Variants in SLC2A13 observed in about 807,000 individuals in gnomAD.
SLC2A13 encodes proton myo-inositol cotransporter.
SLC2A13 carries 32 observed loss-of-function variants against 64.4 expected under a neutral mutation model. The ratio of observed to expected loss-of-function variants is 0.50; its 90% CI spans 0.37 to 0.67. The LOEUF is 0.67. Among genes scored for constraint, SLC2A13 ranks in the 30% least tolerant of loss-of-function variants. SLC2A13 has a pLI of 0.00. For synonymous variants in SLC2A13, 338 were observed against 327.1 expected (o/e 1.03, Z -0.36); for missense variants, 743 against 829.2 (o/e 0.90, Z 1.28).
At chr12:39,884,376 A>G (rs985988711) in intron 4 of SLC2A13, among the ~76,000 whole-genome samples, 1 of 152,210 alleles carries the variant, frequency 6.6e-6, no homozygotes, top group African/African-American at 2.4e-5. Context: ...TTCCTTCGCC[A>G]AACTTCGTAT....
At chr12:39,820,717 T>TTATATATA (rs11272834) in intron 7 of SLC2A13, among the ~76,000 whole-genome samples, 19 of 132,708 alleles carry the variant, frequency 1.4e-4, no homozygotes, top group South Asian at 2.7e-4. Context: ...ATTTTTAAAT[T>TTATATATA]TATATATATA....
chr12:40,041,143 G>A lies in SLC2A13; in HGVS notation c.716+6908C>T, dbSNP rs551747945. Among the ~76,000 whole-genome samples, 9 of 152,176 alleles carry A rather than the reference G, an allele frequency of 5.9e-5. No individual in the cohort carries two copies. In the South Asian group the frequency reaches 1.7e-3, roughly 28 times the overall value. On this transcript the variant is annotated intron_variant, in intron 2 of 9. Coordinates refer to ENST00000280871, the MANE Select transcript of SLC2A13 (RefSeq NM_052885.4). ...AATTTTATTTTTTTAGTAGAGACGG[G>A]GTTTCGCCATCTTGGCCAGGCTGGT...
intron 6 of SLC2A13, among the ~76,000 whole-genome samples, chr12:39,830,675 T>C (rs1460573737): frequency 2.0e-5 from 3 of 152,178 alleles, no homozygotes; most frequent in Non-Finnish European, 4.4e-5. Context: ...AATAGTTTTT[T>C]TTTCTAATAC....
At chr12:40,039,959 T>C (rs1292296441) in intron 2 of SLC2A13, among the ~76,000 whole-genome samples, 3 of 152,220 alleles carry the variant, frequency 2.0e-5, no homozygotes, top group Admixed American at 2.0e-4. Context: ...TCTTCCATGC[T>C]CCATACATTC....
At chr12:40,099,010 G>C (rs1216431321) in intron 1 of SLC2A13, among the ~76,000 whole-genome samples, 1 of 152,196 alleles carries the variant, frequency 6.6e-6, no homozygotes, top group Non-Finnish European at 1.5e-5. Context: ...GCTGTGAAAC[G>C]ATGCTCCTGC....
chr12:39,768,390 C>G (rs1454466770), intron 7 of SLC2A13, among the ~76,000 whole-genome samples: 1 of 152,032 alleles, frequency 6.6e-6, no homozygotes, highest in Non-Finnish European at 1.5e-5. Flanking sequence ...TAAGAATTTT[C>G]TTTTGTAGTC....
rs142326818 is a variant in SLC2A13, at chr12:39,814,744, T to G, written c.1445+15359A>C. Among the ~76,000 whole-genome samples, 69 of 152,220 alleles carry G rather than the reference T, an allele frequency of 4.5e-4. No homozygotes were observed. The East Asian group carries it at 0.012, about 26-fold the overall frequency. ...CCTTCAAGGCCTAGCTCAACACTAG[T>G]AAGAAAGAAATTTTAAATTTCACAT... On this transcript the variant is annotated intron_variant, in intron 7 of 9. Transcript: ENST00000280871.
chr12:39,972,017 T>TA (rs1946662421), intron 3 of SLC2A13, among the ~76,000 whole-genome samples: 1 of 11,618 alleles, frequency 8.6e-5, no homozygotes, highest in African/African-American at 1.9e-4. Flanking sequence ...TATATATATT[T>TA]TTTTTTATAT....
At chr12:39,900,290 A>G (rs1339888611) in intron 4 of SLC2A13, among the ~76,000 whole-genome samples, 1 of 152,172 alleles carries the variant, frequency 6.6e-6, no homozygotes, top group Admixed American at 6.6e-5. Context: ...CAAGACAGGG[A>G]TGCCCTCTCT....
At chr12:39,807,233 C>T (rs1942008060) in intron 7 of SLC2A13, among the ~76,000 whole-genome samples, 1 of 152,106 alleles carries the variant, frequency 6.6e-6, no homozygotes, top group South Asian at 2.1e-4. Context: ...AGTGTGCTTA[C>T]AGAAGACCAC....
chr12:39,862,412 G>A (rs1413256302), intron 6 of SLC2A13, among the ~76,000 whole-genome samples: 1 of 152,214 alleles, frequency 6.6e-6, no homozygotes, highest in African/African-American at 2.4e-5. Context: ...ATTTCTACAA[G>A]TGGACGTGCT....
chr12:39,799,546 ATAAAG>A (rs1374503319), intron 7 of SLC2A13, among the ~76,000 whole-genome samples: 4 of 152,180 alleles, frequency 2.6e-5, no homozygotes, highest in South Asian at 2.1e-4. Flanking sequence ...AGTAAATCAA[ATAAAG>A]TAAACAAGAA....
At chr12:39,892,044 G>A (rs1944624144) in intron 4 of SLC2A13, among the ~76,000 whole-genome samples, 1 of 152,148 alleles carries the variant, frequency 6.6e-6, no homozygotes, top group African/African-American at 2.4e-5. Flanking sequence ...AAGAAGAGAA[G>A]ATCTATTAGG....
At position 40,003,388 on chromosome 12, in the gene SLC2A13, GGA is replaced by G. The variant is rs71894098; in HGVS notation, c.925+24911_925+24912del. Among the ~76,000 whole-genome samples, 133 of 152,262 alleles carry G rather than the reference GGA, an allele frequency of 8.7e-4. 3 individuals carry two copies. The East Asian group carries it at 0.025, about 28-fold the overall frequency. On this transcript the variant is annotated intron_variant, in intron 3 of 9. Coordinates refer to ENST00000280871, the MANE Select transcript of SLC2A13 (RefSeq NM_052885.4). ...GATTATCTCCAAGGACCAAGGAAGA[GGA>G]GAGACAAAAACAACACTTAACCAAA...
chr12:39,989,659 G>T (rs1947097961), intron 3 of SLC2A13, among the ~76,000 whole-genome samples: 1 of 152,204 alleles, frequency 6.6e-6, no homozygotes, highest in South Asian at 2.1e-4. Flanking sequence ...ATTCAGGCTT[G>T]ACTGACATGG....
intron 3 of SLC2A13, among the ~76,000 whole-genome samples, chr12:39,959,621 A>C (rs983914503): frequency 5.9e-5 from 9 of 152,210 alleles, no homozygotes; most frequent in African/African-American, 2.2e-4. Flanking sequence ...TCTTTGTCAA[A>C]AGTATCTACA....
At chr12:39,826,446 T>C (rs1033513761) in intron 7 of SLC2A13, among the ~76,000 whole-genome samples, 1 of 150,432 alleles carries the variant, frequency 6.6e-6, no homozygotes, top group Non-Finnish European at 1.5e-5. Flanking sequence ...TTAGATGTAA[T>C]TTTTCTGGGT....
intron 4 of SLC2A13, among the ~76,000 whole-genome samples, chr12:39,919,689 C>G (rs1282857576): frequency 6.6e-6 from 1 of 152,002 alleles, no homozygotes; most frequent in East Asian, 1.9e-4. Flanking sequence ...AAACCCACCC[C>G]AAGGGGTACT....
chr12:39,784,010 G>A (rs1252757273), intron 7 of SLC2A13, among the ~76,000 whole-genome samples: 3 of 152,072 alleles, frequency 2.0e-5, no homozygotes, highest in Admixed American at 6.5e-5. Flanking sequence ...TAGGAATCCA[G>A]CTTACAAGGG....
Sources: gnomAD v4.1 joint callset for allele counts (sites outside exome capture counted in the v4.1 genomes callset) on GRCh38, gnomAD v4.1.1 for gene constraint, MANE v1.5 for transcripts, NCBI Gene and HGNC (gene_info 2026-07-23, HGNC 2026-07-21) for gene names.